GSTA1: variants seen among roughly 807,000 people sequenced by gnomAD.
The protein encoded by GSTA1 is glutathione S-transferase A1.
In GSTA1, 23 loss-of-function variants were observed where a neutral mutation model predicts 21.5. The ratio of observed to expected loss-of-function variants is 1.07; its 90% CI spans 0.77 to 1.52. The LOEUF (loss-of-function observed/expected upper bound fraction) is 1.52, where lower values mean the gene tolerates loss of function less well. GSTA1 is among the 40% of genes most tolerant of loss of function. The pLI, the probability that GSTA1 is intolerant of heterozygous loss-of-function variation, is 0.00. For synonymous variants in GSTA1, 125 were observed against 90.0 expected, an observed-to-expected ratio of 1.39 and a Z score of -2.20; for missense variants, 301 against 264.2, an observed-to-expected ratio of 1.14 and a Z score of -0.96.
chr6:52,795,721 A>G (rs549587069), intron 4 of GSTA1, among the ~76,000 whole-genome samples: 1 of 152,176 alleles, frequency 6.6e-6, no homozygotes, highest in African/African-American at 2.4e-5. Flanking sequence ...CAGTTGATAT[A>G]CTTGGTTGGT....
intron 1 of GSTA1, among the ~76,000 whole-genome samples, chr6:52,802,738 T>G (rs551697779): frequency 6.6e-6 from 1 of 152,348 alleles, no homozygotes; most frequent in African/African-American, 2.4e-5. Context: ...ATCTATTATC[T>G]GTCTTGTATC....
rs1233237572 is a variant in GSTA1, at chr6:52,791,392, A to G, written c.*466T>C. 6.6e-6 allele frequency among the ~76,000 whole-genome samples: 1 copy of G among 152,246 alleles called. No homozygotes were observed. Among genetic ancestry groups the G allele is most frequent in the Non-Finnish European group, 1.5e-5 (1 of 68,036 alleles). Reference sequence around the variant, plus strand: ...ATTGTTTTGCAAATGCATAAGAAAGAACGCTTTTATCAGAAATAAAATGAC... The same window carrying G: ...ATTGTTTTGCAAATGCATAAGAAAGGACGCTTTTATCAGAAATAAAATGAC... On this transcript the variant is annotated 3_prime_UTR_variant, in exon 7 of 7. Coordinates refer to ENST00000334575, the MANE Select transcript of GSTA1 (RefSeq NM_145740.5).
chr6:52,792,680 C>G, intron 6 of GSTA1, 176 bp downstream of exon 6: 2 of 1,512,720 alleles, frequency 1.3e-6, no homozygotes, highest in Non-Finnish European at 1.8e-6. Flanking sequence ...ATTTCCTTTC[C>G]ATAACAAAAG....
Position 52,791,583 on chromosome 6 carries a change from CATAATCT to C in GSTA1, c.*268_*274del, listed in dbSNP as rs1763456149. The C allele has an allele frequency of 1.4e-5, 5 of 354,866 alleles. No individual in the cohort carries two copies. The South Asian group carries it at 1.8e-4, about 13-fold the overall frequency. 22.0% of individuals were successfully genotyped at this position (354,866 alleles called of 1,614,324 possible). A position where few individuals can be genotyped will look rare whatever the true frequency, so the allele number is the denominator to read the frequency against. On this transcript the variant is annotated 3_prime_UTR_variant, in exon 7 of 7. Transcript: ENST00000334575. ...ATTCTTGGAAAAGTCAAACAAACCA[CATAATCT>C]ATAGTTTCCTTTTTTACTGAATTTT... is the stretch of plus-strand genomic sequence containing the variant.
rs73740640 is a variant in GSTA1, at chr6:52,791,801, T to G, written c.*57A>C. Reference sequence around the variant, plus strand: ...TCAACACTTAGGTAAAGTACTTTATTGTTGCAAAACTTTAGAACATTGGTA... The same window carrying G: ...TCAACACTTAGGTAAAGTACTTTATGGTTGCAAAACTTTAGAACATTGGTA... On this transcript the variant is annotated 3_prime_UTR_variant, in exon 7 of 7. Transcript: ENST00000334575. The G allele has an allele frequency of 2.1e-3, 3,448 of 1,606,904 alleles. 60 individuals are homozygous for G. The African/African-American group carries it at 0.04, about 19-fold the overall frequency.
chr6:52,799,093 A>G (rs984029102), intron 2 of GSTA1, 88 bp downstream of exon 2: 2 of 1,215,812 alleles, frequency 1.6e-6, no homozygotes, highest in East Asian at 2.3e-5. Flanking sequence ...ACAATGCTTC[A>G]GTAAGCAACA....
intron 2 of GSTA1, among the ~76,000 whole-genome samples, chr6:52,798,845 A>G (rs943865829): frequency 6.6e-6 from 1 of 152,090 alleles, no homozygotes; most frequent in African/African-American, 2.4e-5. Flanking sequence ...TGAAATATTA[A>G]CAATAATTAT....
At chr6:52,795,866 G>C (rs1487695943) in intron 4 of GSTA1, among the ~76,000 whole-genome samples, 1 of 152,016 alleles carries the variant, frequency 6.6e-6, no homozygotes, top group Non-Finnish European at 1.5e-5. Context: ...GGCCAGAGTC[G>C]AGCCTCTGAA....
intron 3 of GSTA1, among the ~76,000 whole-genome samples, chr6:52,796,756 T>G (rs934824534): frequency 6.6e-6 from 1 of 151,222 alleles, no homozygotes; most frequent in Non-Finnish European, 1.5e-5. Flanking sequence ...TTGGCCAAAC[T>G]GGTCTCAAAT....
rs768199233 is a variant in GSTA1 at position 52,791,816 on chromosome 6, G to T, written c.*42C>A. On this transcript the variant is annotated 3_prime_UTR_variant, in exon 7 of 7. Coordinates refer to ENST00000334575, the MANE Select transcript of GSTA1 (RefSeq NM_145740.5). Reference sequence around the variant, plus strand: ...AGTACTTTATTGTTGCAAAACTTTAGAACATTGGTATTGCAAGTTCTTGGC... The same window carrying T: ...AGTACTTTATTGTTGCAAAACTTTATAACATTGGTATTGCAAGTTCTTGGC... The T allele has an allele frequency of 2.5e-6, 4 of 1,612,308 alleles. No homozygotes were observed. The Middle Eastern group carries it at 5.0e-4, about 200-fold the overall frequency.
At chr6:52,797,126 C>G (rs1320549432) in intron 3 of GSTA1, among the ~76,000 whole-genome samples, 1 of 152,124 alleles carries the variant, frequency 6.6e-6, no homozygotes, top group Non-Finnish European at 1.5e-5. Context: ...ATGTAAGGGT[C>G]CCTTTCTGTG....
Position 52,794,148 on chromosome 6 carries a change from G to A in GSTA1, c.391C>T (p.Arg131Cys), listed in dbSNP as rs776912908. 12 of 1,613,820 alleles carry A rather than the reference G, an allele frequency of 7.4e-6. No homozygotes were observed. Among genetic ancestry groups the A allele is most frequent in the Middle Eastern group, 1.6e-4 (1 of 6,084 alleles). Reference sequence around the variant, plus strand: ...ACTTTTTCAAAGGCAGGGAAGTAGCGATTTTTTATTTTCTCTTTGATCAAG... The same window carrying A: ...ACTTTTTCAAAGGCAGGGAAGTAGCAATTTTTTATTTTCTCTTTGATCAAG... ...LALIKEKIKN[R>C]YFPAFEKVLK... Residue 131 changes from arginine to cysteine, a missense_variant, in exon 5 of 7, where the codon CGC (arginine) becomes TGC (cysteine). Physicochemically the swap from Arg to Cys is radical, Grantham distance 180. Coordinates refer to ENST00000334575, the MANE Select transcript of GSTA1 (RefSeq NM_145740.5).
rs1763493161 is a variant in GSTA1, at chr6:52,792,919, C to T, written c.483G>A (p.Val161=). The T allele has an allele frequency of 6.2e-7, 1 of 1,613,956 alleles. No homozygotes were observed. Among genetic ancestry groups the T allele is most frequent in the African/African-American group, 1.3e-5 (1 of 74,898 alleles). ...NKLSRADIHL[V]ELLYYVEELD... ...GCTCCTCGACGTAGTAGAGAAGTTC[C>T]ACCAGATGAATGTCAGCCCGGCTCA... The change falls in exon 6 of 7, where the codon GTG becomes GTA. Residue 161 remains valine, a synonymous_variant. Coordinates refer to ENST00000334575, the MANE Select transcript of GSTA1 (RefSeq NM_145740.5).
chr6:52,794,822 C>T (rs1763538895), intron 4 of GSTA1, among the ~76,000 whole-genome samples: 1 of 152,302 alleles, frequency 6.6e-6, no homozygotes, highest in African/African-American at 2.4e-5. Flanking sequence ...CAACTCTAGC[C>T]ATGTGTGCCT....
intron 3 of GSTA1, among the ~76,000 whole-genome samples, 159 bp from the exon 4 acceptor site, chr6:52,796,473 ATATATATATATATATATG>A (rs1425337713): frequency 9.2e-5 from 1 of 10,864 alleles, no homozygotes; most frequent in Non-Finnish European, 1.4e-4. Context: ...ATATATATAT[ATATATATATATATATATG>A]TGTGTGTGTG....
At position 52,799,224 on chromosome 6, in the gene GSTA1, C is replaced by T. The variant is rs1763655657; in HGVS notation, c.44G>A (p.Arg15Lys). Reference protein sequence around the residue: ...PKLHYFNARGRMESTRWLLAA... With the variant: ...PKLHYFNARGKMESTRWLLAA... The stretch of plus-strand genomic sequence containing the variant: ...CAGGAGCCACCGGGTGGACTCCATT[C>T]TGCCCCGTGCATTGAAGTAGTGGAG... Residue 15 changes from arginine to lysine, a missense_variant, in exon 2 of 7, where the codon AGA (arginine) becomes AAA (lysine). Coordinates refer to ENST00000334575, the MANE Select transcript of GSTA1 (RefSeq NM_145740.5). The T allele has an allele frequency of 1.2e-6, 2 of 1,613,906 alleles. No individual in the cohort carries two copies. Among genetic ancestry groups the T allele is most frequent in the African/African-American group, 1.3e-5 (1 of 74,914 alleles).
In GSTA1 at chr6:52,791,625, GA is replaced by G; in HGVS notation, c.*232del. 2.2e-6 allele frequency: 1 copy of G among 449,572 alleles called. No homozygotes were observed. The highest frequency in any genetic ancestry group is 3.8e-6 in the Non-Finnish European group (1 of 263,822). 27.8% of individuals were successfully genotyped at this position (449,572 alleles called of 1,614,324 possible). On this transcript the variant is annotated 3_prime_UTR_variant, in exon 7 of 7. Transcript: ENST00000334575. Reference sequence around the variant, plus strand: ...TTTTTTACTGAATTTTTAATTCCAGGAAAATGGTTGGCTAGGAGAAGATTGG... The same window carrying G: ...TTTTTTACTGAATTTTTAATTCCAGGAAATGGTTGGCTAGGAGAAGATTGG...
chr6:52,802,518 T>C (rs1229350129), intron 1 of GSTA1, among the ~76,000 whole-genome samples: 3 of 152,210 alleles, frequency 2.0e-5, no homozygotes, highest in Non-Finnish European at 4.4e-5. Context: ...TTTGCTCTTG[T>C]CCCAGTGCTT....
intron 4 of GSTA1, among the ~76,000 whole-genome samples, chr6:52,794,512 C>A (rs775276468): frequency 6.6e-6 from 1 of 152,156 alleles, no homozygotes; most frequent in Non-Finnish European, 1.5e-5. Flanking sequence ...AAAAGAACGT[C>A]GGTGGTCACA....
Sources: gnomAD v4.1 joint callset for allele counts (sites outside exome capture counted in the v4.1 genomes callset) on GRCh38, gnomAD v4.1.1 for gene constraint, MANE v1.5 for transcripts, NCBI Gene and HGNC (gene_info 2026-07-23, HGNC 2026-07-21) for gene names.